Variants in TUSC3 observed in about 807,000 individuals in gnomAD.
TUSC3 encodes dolichyl-diphosphooligosaccharide--protein glycosyltransferase subunit TUSC3.
Under a neutral mutation model 44.8 loss-of-function variants are expected in TUSC3, and 45 were observed. The observed-to-expected ratio is 1.00, with a 90% CI of 0.79 to 1.29. The LOEUF is 1.29. TUSC3 is among the 50% of genes most tolerant of loss of function. TUSC3 has a pLI of 0.00. For synonymous variants in TUSC3, 212 were observed against 152.9 expected, an observed-to-expected ratio of 1.39 and a Z score of -2.85; for missense variants, 519 against 437.9, an observed-to-expected ratio of 1.19 and a Z score of -1.65.
intron 8 of TUSC3, 73 bp from the exon 9 acceptor site, chr8:15,748,301 AT>A: frequency 8.8e-7 from 1 of 1,137,886 alleles, no homozygotes. Flanking sequence ...AATTGAATGC[AT>A]TTAAAAATAT....
chr8:15,446,013 G>A (rs1800092364), intron 1 of TUSC3, among the ~76,000 whole-genome samples: 1 of 151,552 alleles, frequency 6.6e-6, no homozygotes, highest in Non-Finnish European at 1.5e-5. Flanking sequence ...TCCCAGACGG[G>A]CCGGCTGCCG....
the TUSC3 span, among the ~76,000 whole-genome samples, chr8:15,780,512 T>C: frequency 2.6e-5 from 4 of 152,174 alleles, no homozygotes; most frequent in East Asian, 1.9e-4. Flanking sequence ...TTCCTGGGAA[T>C]AGGGCAGAGA....
intron 3 of TUSC3, among the ~76,000 whole-genome samples, chr8:15,654,487 ATGT>A (rs1190061346): frequency 6.6e-6 from 1 of 152,188 alleles, no homozygotes; most frequent in Non-Finnish European, 1.5e-5. Flanking sequence ...TTATATATAC[ATGT>A]TGTATGTTAT....
chr8:15,449,045 A>C (rs1485812470), intron 1 of TUSC3, among the ~76,000 whole-genome samples: 1 of 152,200 alleles, frequency 6.6e-6, no homozygotes. Flanking sequence ...CTGAAGAATG[A>C]GGACATCTAT....
chr8:15,533,382 A>AATCAGAT (rs1554510316), intron 2 of TUSC3, among the ~76,000 whole-genome samples: 1 of 152,228 alleles, frequency 6.6e-6, no homozygotes, highest in Non-Finnish European at 1.5e-5. Flanking sequence ...CAGAGGAAGC[A>AATCAGAT]ATCAGATATC....
At chr8:15,458,557 A>G (rs1800294931) in intron 1 of TUSC3, among the ~76,000 whole-genome samples, 1 of 152,176 alleles carries the variant, frequency 6.6e-6, no homozygotes, top group African/African-American at 2.4e-5. Context: ...TTTCATTATT[A>G]TAAAAAACGT....
intron 1 of TUSC3, among the ~76,000 whole-genome samples, chr8:15,459,856 A>ATGTG (rs556167735): frequency 2.3e-3 from 319 of 139,520 alleles, no homozygotes; most frequent in African/African-American, 8.1e-3. Context: ...GTGTGTGTGT[A>ATGTG]TGTGTGTGTG....
intron 1 of TUSC3, among the ~76,000 whole-genome samples, chr8:15,435,699 C>G (rs1050463382): frequency 6.6e-6 from 1 of 152,104 alleles, no homozygotes; most frequent in South Asian, 2.1e-4. Flanking sequence ...AAAATCTCAC[C>G]TTACATTTGA....
intron 1 of TUSC3, among the ~76,000 whole-genome samples, chr8:15,590,809 C>T (rs1287054614): frequency 6.6e-6 from 1 of 151,788 alleles, no homozygotes; most frequent in Non-Finnish European, 1.5e-5. Context: ...GTAGCTGGCA[C>T]AACAGGTGCA....
intron 1 of TUSC3, among the ~76,000 whole-genome samples, chr8:15,442,310 A>C (rs943225662): frequency 6.6e-6 from 1 of 151,330 alleles, no homozygotes; most frequent in Non-Finnish European, 1.5e-5. Flanking sequence ...AAATCTCTAA[A>C]AGTGACTTGA....
intron 1 of TUSC3, among the ~76,000 whole-genome samples, chr8:15,453,848 C>T (rs1800223133): frequency 6.6e-6 from 1 of 152,124 alleles, no homozygotes; most frequent in South Asian, 2.1e-4. Flanking sequence ...TAATTGGTTG[C>T]AACCAGCACC....
At chr8:15,450,141 A>T (rs1368169739) in intron 1 of TUSC3, among the ~76,000 whole-genome samples, 1 of 152,240 alleles carries the variant, frequency 6.6e-6, no homozygotes, top group Non-Finnish European at 1.5e-5. Flanking sequence ...TGTATAAAAA[A>T]AGTGTGAGAG....
chr8:15,633,759 T>A lies in TUSC3; in HGVS notation c.308+10510T>A, dbSNP rs139160365. ...CAAGGAAAGATTCTCCCCTTCAGTT[T>A]TAAGAGGGAGCATGGCCCTACTCAT... On this transcript the variant is annotated intron_variant, in intron 2 of 10. Transcript: ENST00000503731. Among the ~76,000 whole-genome samples, 369 of 152,288 alleles carry A rather than the reference T, an allele frequency of 2.4e-3. 2 individuals carry two copies. Among genetic ancestry groups the A allele is most frequent in the African/African-American group, 8.2e-3 (339 of 41,560 alleles).
chr8:15,475,013 T>A (rs1800556570), intron 1 of TUSC3, among the ~76,000 whole-genome samples: 1 of 152,188 alleles, frequency 6.6e-6, no homozygotes, highest in Non-Finnish European at 1.5e-5. Flanking sequence ...ATATTACCTT[T>A]CCAAATGTTT....
chr8:15,808,375 A>G, the TUSC3 span, among the ~76,000 whole-genome samples: 1 of 152,178 alleles, frequency 6.6e-6, no homozygotes, highest in South Asian at 2.1e-4. Context: ...ATAAAATGAT[A>G]CATTTACTTA....
intron 1 of TUSC3, among the ~76,000 whole-genome samples, chr8:15,417,742 G>C (rs1799676994): frequency 6.6e-6 from 1 of 152,196 alleles, no homozygotes; most frequent in African/African-American, 2.4e-5. Flanking sequence ...ACAGCTGGTA[G>C]GATATTCTGT....
chr8:15,843,630 A>ACACG, the TUSC3 span, among the ~76,000 whole-genome samples: 1 of 146,064 alleles, frequency 6.8e-6, no homozygotes, highest in African/African-American at 2.6e-5. Context: ...ATACACGCAC[A>ACACG]TACACATATA....
the TUSC3 span, among the ~76,000 whole-genome samples, chr8:15,817,917 C>T: frequency 6.6e-6 from 1 of 152,122 alleles, no homozygotes; most frequent in Non-Finnish European, 1.5e-5. Context: ...ATCCCACAGA[C>T]TTCAATGATC....
chr8:15,529,175 C>T (rs149533387), intron 2 of TUSC3, among the ~76,000 whole-genome samples: 12 of 152,208 alleles, frequency 7.9e-5, no homozygotes, highest in East Asian at 7.7e-4. Flanking sequence ...AAAATGCAAT[C>T]GCACAGGTGC....
Sources: gnomAD v4.1 joint callset for allele counts (sites outside exome capture counted in the v4.1 genomes callset) on GRCh38, gnomAD v4.1.1 for gene constraint, MANE v1.5 for transcripts, NCBI Gene and HGNC (gene_info 2026-07-23, HGNC 2026-07-21) for gene names.